FGD2: variants seen among roughly 807,000 people sequenced by gnomAD.
FGD2 encodes FYVE, RhoGEF and PH domain containing 2, also known as FYVE, RhoGEF and PH domain-containing protein 2.
A neutral mutation model predicts 75.9 loss-of-function variants in FGD2; 52 were observed. That is an observed-to-expected ratio of 0.69 (90% confidence interval 0.55 to 0.86). The LOEUF is 0.86. Ranked by LOEUF, FGD2 falls within the 40% of genes least tolerant of loss-of-function variation. FGD2 has a pLI of 0.00. For missense variants in FGD2, 790 were observed against 872.0 expected (o/e 0.91, Z 1.18); for synonymous variants, 347 against 348.6 (o/e 1.00, Z 0.05).
At chr6:37,014,449 G>C in intron 6 of FGD2, 197 bp from the exon 7 acceptor site, 1 of 656,328 alleles carries the variant, frequency 1.5e-6, no homozygotes, top group South Asian at 1.9e-5. Context: ...AATGGCTAAC[G>C]TTCAGTGGCT....
intron 4 of FGD2, 56 bp downstream of exon 4, chr6:37,011,910 G>A: frequency 6.3e-7 from 1 of 1,584,028 alleles, no homozygotes; most frequent in Non-Finnish European, 8.6e-7. Context: ...CCAGGTGGAG[G>A]TGGGGAGACC....
intron 9 of FGD2, among the ~76,000 whole-genome samples, chr6:37,018,108 G>T (rs1273477415): frequency 6.6e-6 from 1 of 152,188 alleles, no homozygotes; most frequent in Admixed American, 6.5e-5. Context: ...GGAGACGGGT[G>T]GCCCTGCCAA....
intron 14 of FGD2, chr6:37,026,474 T>C (rs1464238134): frequency 4.3e-6 from 4 of 938,034 alleles, no homozygotes; most frequent in Admixed American, 6.2e-5. Context: ...TCACAGATGT[T>C]CTTTCTGTTG....
intron 1 of FGD2, among the ~76,000 whole-genome samples, chr6:37,007,293 T>G (rs1764799425): frequency 6.6e-6 from 1 of 152,194 alleles, no homozygotes; most frequent in Admixed American, 6.5e-5. Flanking sequence ...ATGGCATAGA[T>G]GTAGACCTAG....
chr6:37,026,055 C>T, intron 14 of FGD2, 117 bp downstream of exon 14: 1 of 1,480,040 alleles, frequency 6.8e-7, no homozygotes, highest in Non-Finnish European at 9.0e-7. Flanking sequence ...ATGGTCACAC[C>T]CTCCCCCCTC....
chr6:37,011,071 C>G (rs1366399746), intron 3 of FGD2, 21 bp downstream of exon 3: 8 of 1,612,142 alleles, frequency 5.0e-6, no homozygotes, highest in Non-Finnish European at 6.8e-6. Context: ...AGGACACCCC[C>G]CTCTAGAGCC....
rs1765552045 is a variant in FGD2, at chr6:37,020,920, GTA to G, written c.1233+183_1233+184del. On this transcript the variant is annotated intron_variant, in intron 11 of 15. Coordinates refer to ENST00000274963, the MANE Select transcript of FGD2 (RefSeq NM_173558.4). ...TGTGTGTGTGTGTGTGTGCATGTGT[GTA>G]TGCATGTGTGTGCATCTGTGTGTGC... Among the ~76,000 whole-genome samples, 12 of 145,634 alleles carry G rather than the reference GTA, an allele frequency of 8.2e-5. No individual in the cohort carries two copies. In the East Asian group the frequency reaches 2.2e-3, roughly 27 times the overall value.
chr6:37,010,852 A>T (rs958904715), intron 2 of FGD2, 121 bp from the exon 3 acceptor site: 1 of 922,540 alleles, frequency 1.1e-6, no homozygotes, highest in African/African-American at 1.6e-5. Flanking sequence ...GCGGGAGGCC[A>T]TGAATCCCGG....
chr6:37,014,470 C>T, intron 6 of FGD2, 176 bp from the exon 7 acceptor site: 1 of 714,096 alleles, frequency 1.4e-6, no homozygotes, highest in Non-Finnish European at 2.3e-6. Flanking sequence ...TCCAGTCTCT[C>T]AGCCCTGGGG....
intron 1 of FGD2, 103 bp downstream of exon 1, chr6:37,005,988 G>A (rs1172142634): frequency 7.6e-7 from 1 of 1,310,678 alleles, no homozygotes; most frequent in African/African-American, 1.4e-5. Context: ...CCCTCCTCCT[G>A]CAGGGGCAGC....
Position 37,008,970 on chromosome 6 carries a change from A to G in FGD2, c.205A>G (p.Ser69Gly). ...EAVGSEPRTV[S>G]RRYLNSLKNK... Reference sequence around the variant, plus strand: ...CGTGGGGTCTGAGCCCAGGACAGTCAGCAGGAGGTACCTGAACTCCCTGAA... The same window carrying G: ...CGTGGGGTCTGAGCCCAGGACAGTCGGCAGGAGGTACCTGAACTCCCTGAA... Residue 69 changes from serine to glycine, a missense_variant, in exon 2 of 16, where the codon AGC becomes GGC. Ser to Gly is a moderately conservative substitution (Grantham distance 56). Transcript: ENST00000274963. 6.2e-7 allele frequency: 1 copy of G among 1,614,284 alleles called. No homozygotes were observed. Among genetic ancestry groups the G allele is most frequent in the South Asian group, 1.1e-5 (1 of 91,088 alleles).
chr6:37,008,717 C>A, intron 1 of FGD2, 117 bp from the exon 2 acceptor site: 1 of 900,964 alleles, frequency 1.1e-6, no homozygotes. Flanking sequence ...AAGCCAGGCA[C>A]CCAGGGGCCC....
intron 1 of FGD2, 90 bp downstream of exon 1, chr6:37,005,975 G>A (rs1235331926): frequency 1.7e-5 from 25 of 1,432,954 alleles, no homozygotes; most frequent in East Asian, 4.7e-5. Context: ...GCCCTGCCCC[G>A]GACCCTCCTC....
chr6:37,019,693 C>T (rs1765470383), intron 9 of FGD2, among the ~76,000 whole-genome samples: 1 of 152,122 alleles, frequency 6.6e-6, no homozygotes, highest in Admixed American at 6.6e-5. Context: ...GGGCTGAAAA[C>T]CTGGGGTGGA....
At position 37,008,946 on chromosome 6, in the gene FGD2, G is replaced by A. The variant is rs114619383; in HGVS notation, c.181G>A (p.Val61Met). The A allele has an allele frequency of 2.3e-3, 3,637 of 1,614,222 alleles. 55 individuals carry two copies. In the African/African-American group the frequency reaches 0.036, roughly 16 times the overall value. Residue 61 changes from valine to methionine, a missense_variant, in exon 2 of 16, where the codon GTG becomes ATG. Val to Met is a conservative substitution (Grantham distance 21). Transcript: ENST00000274963. ...GGAGAAGACGAATGTCGGGGAGGCC[G>A]TGGGGTCTGAGCCCAGGACAGTCAG... is the stretch of plus-strand genomic sequence containing the variant. ...PREKTNVGEA[V>M]GSEPRTVSRR...
At chr6:37,018,421 A>G (rs1044657001) in intron 9 of FGD2, among the ~76,000 whole-genome samples, 2 of 152,108 alleles carry the variant, frequency 1.3e-5, no homozygotes, top group African/African-American at 4.8e-5. Context: ...CCATTTTCTG[A>G]GTCTGTGATT....
At position 37,025,928 on chromosome 6, in the gene FGD2, G is replaced by A; in HGVS notation, c.1595G>A (p.Gly532Asp). 6.2e-7 allele frequency: 1 copy of A among 1,613,964 alleles called. No homozygotes were observed. The highest frequency in any genetic ancestry group is 8.5e-7 in the Non-Finnish European group (1 of 1,179,954). ...GAGGCCAAGGAGGACAAGAGGCGGG[G>A]CATCCTGGAGGTGAGGGCCACTGTC... ...LPEAKEDKRR[G>D]ILEKGSSATP... Residue 532 changes from glycine to aspartate, a missense_variant, in exon 14 of 16, where the codon GGC becomes GAC. Gly to Asp is a moderately conservative substitution (Grantham distance 94, BLOSUM62 -1). Transcript: ENST00000274963.
chr6:37,021,577 G>C lies in FGD2; in HGVS notation c.1299G>C (p.Gly433=). Residue 433 remains glycine (G), a synonymous_variant, in exon 12 of 16, where the codon GGG becomes GGC. Transcript: ENST00000274963. ...AAACCTTCAAGGCTGCGGCCCAGGG[G>C]CCTGAGGGAGACATCCAGGAGCAGG... ...RNETFKAAAQ[G]PEGDIQEQEL... 6.2e-7 allele frequency: 1 copy of C among 1,614,042 alleles called. No individual in the cohort carries two copies. The highest frequency in any genetic ancestry group is 8.5e-7 in the Non-Finnish European group (1 of 1,179,914).
At chr6:37,022,183 T>C in intron 12 of FGD2, 56 bp from the exon 13 acceptor site, 1 of 1,557,320 alleles carries the variant, frequency 6.4e-7, no homozygotes, top group Non-Finnish European at 8.7e-7. Context: ...CCTGGGAGGA[T>C]GGGCGGAAGA....
Sources: allele counts gnomAD v4.1 joint callset (sites outside exome capture counted in the v4.1 genomes callset), GRCh38; gene constraint gnomAD v4.1.1; transcripts MANE v1.5; gene names NCBI Gene and HGNC (gene_info 2026-07-23, HGNC 2026-07-21).